The following MCTP1 variants were observed in gnomAD, a reference collection of about 807,000 sequenced individuals.
MCTP1 encodes multiple C2 and transmembrane domain containing 1.
A neutral mutation model predicts 120.6 loss-of-function variants in MCTP1; 69 were observed. That is an observed-to-expected ratio of 0.57 (90% CI 0.47 to 0.70). The LOEUF is 0.70. MCTP1 is among the 30% of genes least tolerant of loss of function. The pLI, the probability that MCTP1 is intolerant of heterozygous loss-of-function variation, is 0.00. For synonymous variants in MCTP1, 529 were observed against 493.1 expected (o/e 1.07, Z -0.96); for missense variants, 1,203 against 1,248.8 (o/e 0.96, Z 0.55).
chr5:95,272,874 T>C (rs1582710018), intron 1 of MCTP1, among the ~76,000 whole-genome samples: 1 of 152,226 alleles, frequency 6.6e-6, no homozygotes, highest in African/African-American at 2.4e-5. Flanking sequence ...TTTTTTCCAC[T>C]TGAAATGCTA....
intron 6 of MCTP1, among the ~76,000 whole-genome samples, chr5:94,926,641 T>C (rs1718477284): frequency 6.6e-6 from 1 of 151,842 alleles, no homozygotes; most frequent in African/African-American, 2.4e-5. Context: ...CTCAATTTAA[T>C]AACTAACTGT....
At chr5:94,712,345 T>C (rs1757343691) in intron 20 of MCTP1, among the ~76,000 whole-genome samples, 2 of 152,248 alleles carry the variant, frequency 1.3e-5, no homozygotes, top group South Asian at 4.1e-4. Flanking sequence ...GCAAAACATA[T>C]TGTTCATGTG....
intron 17 of MCTP1, among the ~76,000 whole-genome samples, chr5:94,824,232 T>C (rs1237048853): frequency 6.6e-6 from 1 of 152,228 alleles, no homozygotes; most frequent in Non-Finnish European, 1.5e-5. Flanking sequence ...AATACCAGTT[T>C]ATTCAATGTT....
intron 2 of MCTP1, among the ~76,000 whole-genome samples, chr5:94,957,280 A>G (rs1822878559): frequency 6.6e-6 from 1 of 152,182 alleles, no homozygotes; most frequent in East Asian, 1.9e-4. Flanking sequence ...TAAATATGGA[A>G]AGGAAAAACT....
At chr5:95,003,273 C>G (rs1265985106) in intron 2 of MCTP1, among the ~76,000 whole-genome samples, 1 of 151,980 alleles carries the variant, frequency 6.6e-6, no homozygotes, top group East Asian at 1.9e-4. Context: ...TCTACTGTAC[C>G]TTTTCTATGT....
chr5:95,110,497 T>C (rs1407408188), intron 1 of MCTP1, among the ~76,000 whole-genome samples: 32 of 152,148 alleles, frequency 2.1e-4, no homozygotes, highest in Admixed American at 2.1e-3. Context: ...CCCAGAAAGC[T>C]CAAAAATATC....
Position 94,927,414 on chromosome 5 carries a change from T to C in MCTP1, c.1213-3393A>G, listed in dbSNP as rs55966806. ...CAAAGTAAAAATCTTTTAAAATAATTTTATGTTTACTTCAAAAATACCGAG... is the reference window on the plus strand; with the variant it reads ...CAAAGTAAAAATCTTTTAAAATAATCTTATGTTTACTTCAAAAATACCGAG... On this transcript the variant is annotated intron_variant, in intron 6 of 22. Coordinates refer to ENST00000515393, the MANE Select transcript of MCTP1 (RefSeq NM_024717.7). 6.0e-3 allele frequency among the ~76,000 whole-genome samples: 907 copies of C among 152,272 alleles called. 11 individuals carry two copies. The highest frequency in any genetic ancestry group is 0.02 in the African/African-American group (851 of 41,560).
At chr5:94,829,800 G>A (rs1487096934) in intron 17 of MCTP1, among the ~76,000 whole-genome samples, 1 of 152,226 alleles carries the variant, frequency 6.6e-6, no homozygotes, top group Non-Finnish European at 1.5e-5. Flanking sequence ...CCTCAGAAGT[G>A]TGTAATCTTC....
intron 2 of MCTP1, among the ~76,000 whole-genome samples, chr5:95,010,475 T>C (rs1386314988): frequency 6.6e-6 from 1 of 152,186 alleles, no homozygotes; most frequent in East Asian, 1.9e-4. Context: ...TAATACTATC[T>C]ATCTAATCGA....
At chr5:95,136,111 C>G (rs1759428872) in intron 1 of MCTP1, among the ~76,000 whole-genome samples, 1 of 152,192 alleles carries the variant, frequency 6.6e-6, no homozygotes. Flanking sequence ...GCACTTGCTT[C>G]TCCTCATGTA....
intron 8 of MCTP1, among the ~76,000 whole-genome samples, 193 bp downstream of exon 8, chr5:94,917,703 A>G (rs1810437873): frequency 6.6e-6 from 1 of 152,210 alleles, no homozygotes; most frequent in Non-Finnish European, 1.5e-5. Context: ...AGATTTTAGA[A>G]CAAATGAGCT....
At chr5:94,920,965 G>A (rs527841675) in intron 7 of MCTP1, among the ~76,000 whole-genome samples, 2 of 151,978 alleles carry the variant, frequency 1.3e-5, no homozygotes, top group South Asian at 2.1e-4. Flanking sequence ...ATCTTGGCAC[G>A]TTCCAGACTT....
In MCTP1 at chr5:94,954,193, T is replaced by TGTATATATATGCATATATATAC. The variant is rs1561919301; in HGVS notation, c.839-833_839-832insGTATATATATGCATATATATAC. Among the ~76,000 whole-genome samples, 71 of 59,270 alleles carry TGTATATATATGCATATATATAC rather than the reference T, an allele frequency of 1.2e-3. 15 individuals carry two copies. The highest frequency in any genetic ancestry group is 4.1e-3 in the African/African-American group (67 of 16,486). The allele number at this position is 59,270 out of a possible 152,430, so 38.9% of individuals were successfully genotyped here. ...ACATATATATATATGCATATATATA[T>TGTATATATATGCATATATATAC]ATATATATATATGCCATGGAATACT... On this transcript the variant is annotated intron_variant, in intron 2 of 22. Coordinates refer to ENST00000515393, the MANE Select transcript of MCTP1 (RefSeq NM_024717.7).
chr5:95,078,035 C>CATCCATGTATCTGTCT (rs1378411110), intron 1 of MCTP1, among the ~76,000 whole-genome samples: 30 of 151,542 alleles, frequency 2.0e-4, no homozygotes, highest in Non-Finnish European at 3.4e-4. Flanking sequence ...TCCATCTATC[C>CATCCATGTATCTGTCT]ATCCATCCAT....
At chr5:94,929,659 G>C (rs1345090152) in intron 6 of MCTP1, 1 of 985,032 alleles carries the variant, frequency 1.0e-6, no homozygotes, top group East Asian at 1.1e-4. Context: ...CAATTTACCG[G>C]AGGAAAAGAT....
intron 1 of MCTP1, among the ~76,000 whole-genome samples, chr5:95,188,368 A>C (rs1187209942): frequency 6.6e-6 from 1 of 152,206 alleles, no homozygotes; most frequent in Non-Finnish European, 1.5e-5. Flanking sequence ...AAAACTAAAC[A>C]TACTATCACC....
intron 1 of MCTP1, among the ~76,000 whole-genome samples, chr5:95,028,822 T>C (rs1312190446): frequency 6.6e-6 from 1 of 152,202 alleles, no homozygotes; most frequent in Non-Finnish European, 1.5e-5. Flanking sequence ...TTTCTAATCT[T>C]TAAAATAGGT....
At chr5:95,252,897 C>A (rs192887380) in intron 1 of MCTP1, among the ~76,000 whole-genome samples, 6 of 152,166 alleles carry the variant, frequency 3.9e-5, no homozygotes, top group Admixed American at 3.3e-4. Flanking sequence ...ATTTAATTCC[C>A]AAGGATTAAG....
intron 10 of MCTP1, among the ~76,000 whole-genome samples, chr5:94,904,464 T>A (rs896090161): frequency 6.6e-6 from 1 of 152,206 alleles, no homozygotes; most frequent in Admixed American, 6.5e-5. Context: ...TATGGTAAAT[T>A]TACTTTTGTG....
Sources: allele counts gnomAD v4.1 joint callset (sites outside exome capture counted in the v4.1 genomes callset), GRCh38; gene constraint gnomAD v4.1.1; transcripts MANE v1.5; gene names NCBI Gene and HGNC (gene_info 2026-07-23, HGNC 2026-07-21).